HDAC4: variants seen among roughly 807,000 people sequenced by gnomAD.
The protein encoded by HDAC4 is histone deacetylase 4.
In HDAC4, 16 loss-of-function variants were observed where a neutral mutation model predicts 135.1. The observed-to-expected ratio is 0.12, with a 90% confidence interval of 0.08 to 0.18. HDAC4 has a LOEUF of 0.18. Ranked by LOEUF, HDAC4 falls within the 10% of genes least tolerant of loss-of-function variation. The pLI, the probability that HDAC4 is intolerant of heterozygous loss-of-function variation, is 1.00. For synonymous variants in HDAC4, 685 were observed against 653.4 expected, an observed-to-expected ratio of 1.05 and a Z score of -0.74; for missense variants, 1,143 against 1,511.8, an observed-to-expected ratio of 0.76 and a Z score of 4.05.
intron 7 of HDAC4, among the ~76,000 whole-genome samples, chr2:239,152,963 T>C (rs1416856043): frequency 6.6e-6 from 1 of 152,226 alleles, no homozygotes; most frequent in Non-Finnish European, 1.5e-5. Flanking sequence ...TAAAGGTACA[T>C]TTCACAGATG....
chr2:239,137,065 C>G (rs767896322), intron 9 of HDAC4, among the ~76,000 whole-genome samples: 3 of 152,010 alleles, frequency 2.0e-5, no homozygotes, highest in Non-Finnish European at 4.4e-5. Flanking sequence ...AATAAGGAGA[C>G]GTTCTAATGT....
intron 24 of HDAC4, among the ~76,000 whole-genome samples, chr2:239,064,865 C>T (rs1311523490): frequency 3.9e-5 from 6 of 152,228 alleles, no homozygotes; most frequent in African/African-American, 9.6e-5. Flanking sequence ...CTGGCCACCT[C>T]GAGGCCCACT....
intron 22 of HDAC4, among the ~76,000 whole-genome samples, chr2:239,072,904 G>A (rs1431436821): frequency 6.6e-6 from 1 of 152,212 alleles, no homozygotes; most frequent in Non-Finnish European, 1.5e-5. Flanking sequence ...TGAAGATCCC[G>A]CGGGCTACTC....
intron 12 of HDAC4, among the ~76,000 whole-genome samples, chr2:239,121,677 G>A (rs1055828935): frequency 6.6e-6 from 1 of 152,226 alleles, no homozygotes; most frequent in Non-Finnish European, 1.5e-5. Context: ...TCCACACCGT[G>A]GGCCTCCGGC....
chr2:239,079,938 C>A (rs892805699), intron 22 of HDAC4, among the ~76,000 whole-genome samples: 2 of 148,500 alleles, frequency 1.3e-5, no homozygotes, highest in Non-Finnish European at 2.9e-5. Context: ...CATGCATCCA[C>A]ACCCACACAG....
intron 2 of HDAC4, among the ~76,000 whole-genome samples, chr2:239,270,351 G>GC (rs1427521973): frequency 1.3e-5 from 2 of 152,290 alleles, no homozygotes; most frequent in Admixed American, 6.5e-5. Context: ...CTCATTAGCT[G>GC]CCCCCCGATG....
At chr2:239,229,157 AT>A (rs1223053476) in intron 3 of HDAC4, among the ~76,000 whole-genome samples, 1 of 152,208 alleles carries the variant, frequency 6.6e-6, no homozygotes, top group African/African-American at 2.4e-5. Flanking sequence ...GTCTCAAAAA[AT>A]AAATAAAAAT....
At chr2:239,236,034 C>T (rs185506162) in intron 3 of HDAC4, among the ~76,000 whole-genome samples, 13 of 152,260 alleles carry the variant, frequency 8.5e-5, no homozygotes, top group South Asian at 2.1e-4. Context: ...AGTGAGATTC[C>T]GTCTCCAAAT....
intron 22 of HDAC4, among the ~76,000 whole-genome samples, chr2:239,070,772 G>A (rs555624232): frequency 2.0e-5 from 3 of 152,186 alleles, no homozygotes; most frequent in Admixed American, 6.6e-5. Context: ...CAAAAAGTTC[G>A]TGGAAAAATT....
chr2:239,140,324 G>A (rs1013063756), intron 8 of HDAC4, among the ~76,000 whole-genome samples: 5 of 152,198 alleles, frequency 3.3e-5, no homozygotes, highest in African/African-American at 9.6e-5. Context: ...GAAAACACAC[G>A]CTCGGACAGT....
rs1056372113 is a variant in HDAC4 at position 239,374,693 on chromosome 2, G to A, written c.-219-21775C>T. Among the ~76,000 whole-genome samples, 264 of 152,250 alleles carry A rather than the reference G, an allele frequency of 1.7e-3. 1 individual carries two copies. Among genetic ancestry groups the A allele is most frequent in the Admixed American group, 4.0e-3 (61 of 15,306 alleles). On this transcript the variant is annotated intron_variant, in intron 1 of 26. Transcript: ENST00000543185. ...GCTGGGATTACAGGCGTGAGCCACC[G>A]CGCCCGGCCAACAAGGCTTTAAAAA...
intron 3 of HDAC4, among the ~76,000 whole-genome samples, chr2:239,230,368 C>CAAAAAAAAA (rs56105562): frequency 1.2e-3 from 95 of 79,314 alleles, no homozygotes; most frequent in African/African-American, 2.3e-3. Context: ...AGCAAGCAAG[C>CAAAAAAAAA]AAAAAAAAAA....
chr2:239,130,269 G>A (rs3791461), intron 11 of HDAC4, among the ~76,000 whole-genome samples: 18,232 of 152,202 alleles, frequency 0.12, 1,452 homozygotes, highest in South Asian at 0.19. Context: ...ACAGCCTCGC[G>A]TGCCAATTAT....
intron 4 of HDAC4, among the ~76,000 whole-genome samples, chr2:239,182,970 C>T (rs1387112342): frequency 6.6e-6 from 1 of 152,200 alleles, no homozygotes; most frequent in Non-Finnish European, 1.5e-5. Context: ...TTGAGATGCG[C>T]TTATTTTTAA....
chr2:239,278,620 C>T (rs1278069046), intron 2 of HDAC4, among the ~76,000 whole-genome samples: 3 of 152,076 alleles, frequency 2.0e-5, no homozygotes, highest in Non-Finnish European at 4.4e-5. Context: ...TGCAGTGAGG[C>T]GAGATCATGC....
chr2:239,162,440 C>T (rs2042864675), intron 6 of HDAC4: 1 of 427,808 alleles, frequency 2.3e-6, no homozygotes, highest in African/African-American at 2.0e-5. Context: ...TGCCCTGCAA[C>T]CCCACGCCCT....
chr2:239,142,859 C>T (rs183135851), intron 8 of HDAC4, among the ~76,000 whole-genome samples: 1 of 142,770 alleles, frequency 7.0e-6, no homozygotes, highest in Non-Finnish European at 1.5e-5. Flanking sequence ...GAGCTCAGCA[C>T]TGATCACGCC....
At chr2:239,332,896 C>CA (rs147148988) in intron 2 of HDAC4, among the ~76,000 whole-genome samples, 15,159 of 152,078 alleles carry the variant, frequency 0.1, 1,355 homozygotes, top group East Asian at 0.42. Flanking sequence ...ACAAATCCTA[C>CA]AGTCATTACA....
chr2:239,074,857 CCT>C (rs2034574326), intron 22 of HDAC4, among the ~76,000 whole-genome samples: 1 of 152,166 alleles, frequency 6.6e-6, no homozygotes, highest in Non-Finnish European at 1.5e-5. Context: ...AAGGAATGTC[CCT>C]GTTTAATAGA....
Sources: allele counts gnomAD v4.1 joint callset (sites outside exome capture counted in the v4.1 genomes callset), GRCh38; gene constraint gnomAD v4.1.1; transcripts MANE v1.5; gene names NCBI Gene and HGNC (gene_info 2026-07-23, HGNC 2026-07-21).